The following FOXRED2 variants were observed in gnomAD, a reference collection of about 807,000 sequenced individuals.
FOXRED2 encodes FAD-dependent oxidoreductase domain-containing protein 2.
In FOXRED2, 32 loss-of-function variants were observed where a neutral mutation model predicts 52.5. The observed-to-expected ratio is 0.61, with a 90% CI of 0.46 to 0.82. FOXRED2 has a LOEUF of 0.82. Ranked by LOEUF, FOXRED2 falls within the 40% of genes least tolerant of loss-of-function variation. The pLI is 0.00. For synonymous variants in FOXRED2, 405 were observed against 398.1 expected, an observed-to-expected ratio of 1.02 and a Z score of -0.21; for missense variants, 848 against 937.5, an observed-to-expected ratio of 0.90 and a Z score of 1.25.
In FOXRED2 at chr22:36,505,340, G is replaced by A. The variant is rs117211499; in HGVS notation, c.527+556C>T. ...AGCTCCTAAAAGCAGCAGAGCCAGA[G>A]TCTAAACACAGATAGGCTTGATTCC... On this transcript the variant is annotated intron_variant, in intron 2 of 8. Coordinates refer to ENST00000397224, the MANE Select transcript of FOXRED2 (RefSeq NM_001102371.2). 6.5e-3 allele frequency among the ~76,000 whole-genome samples: 988 copies of A among 152,342 alleles called. 4 individuals carry two copies. Among genetic ancestry groups the A allele is most frequent in the Middle Eastern group, 0.027 (8 of 294 alleles).
chr22:36,500,136 G>C (rs1037887385), intron 5 of FOXRED2, among the ~76,000 whole-genome samples: 1 of 152,176 alleles, frequency 6.6e-6, no homozygotes, highest in Admixed American at 6.5e-5. Flanking sequence ...CACAGAAAGG[G>C]CACCAGTTTG....
chr22:36,489,978 C>T lies in FOXRED2; in HGVS notation c.*30G>A. On this transcript the variant is annotated 3_prime_UTR_variant, in exon 9 of 9. Coordinates refer to ENST00000397224, the MANE Select transcript of FOXRED2 (RefSeq NM_001102371.2). The stretch of plus-strand genomic sequence containing the variant: ...CATGGGCCTAGGTGGGGAGGCCTGG[C>T]CACTGTGCCCACAGCTTAGGAAGGG... 1.3e-6 allele frequency: 2 copies of T among 1,524,422 alleles called. No homozygotes were observed. Among genetic ancestry groups the T allele is most frequent in the South Asian group, 1.3e-5 (1 of 77,590 alleles). 94.4% of individuals were successfully genotyped at this position (1,524,422 alleles called of 1,614,324 possible). A position where few individuals can be genotyped will look rare whatever the true frequency, so the allele number is the denominator to read the frequency against.
chr22:36,494,322 T>C (rs1387290642), intron 7 of FOXRED2, among the ~76,000 whole-genome samples: 2 of 152,080 alleles, frequency 1.3e-5, no homozygotes, highest in African/African-American at 2.4e-5. Flanking sequence ...TTCTAGTCTC[T>C]ACCATGTTGG....
chr22:36,505,435 G>A (rs1568993251), intron 2 of FOXRED2, among the ~76,000 whole-genome samples: 1 of 152,168 alleles, frequency 6.6e-6, no homozygotes, highest in South Asian at 2.1e-4. Flanking sequence ...GGATCCTGCC[G>A]GCTTGCAGAA....
chr22:36,506,303 G>C lies in FOXRED2; in HGVS notation c.120C>G (p.Pro40=), dbSNP rs573899521. Residue 40 remains proline (P), a synonymous_variant, in exon 2 of 9, where the codon CCC becomes CCG. Transcript: ENST00000397224. ...GGAAGTAGGCCATCTGCAGGCCCGC[G>C]GGCCCAGCGCCCAGCACGCAGTAGT... ...RRDYCVLGAG[P]AGLQMAYFLQ... The C allele has an allele frequency of 1.5e-5, 23 of 1,567,168 alleles. No homozygotes were observed. The highest frequency in any genetic ancestry group is 2.3e-5 in the South Asian group (2 of 85,852).
chr22:36,501,355 G>C lies in FOXRED2; in HGVS notation c.1102C>G (p.Arg368Gly), dbSNP rs747052892. ...NAFGKKYPLI[R>G]ASYESKGSRG... is the part of the protein sequence containing the mutation. ...CTTCCTTTGGATTCGTAGCTAGCTC[G>C]AATCAGCGGGTACTTCTTGCCGAAT... Residue 368 changes from arginine to glycine, a missense_variant, in exon 5 of 9, where the codon CGA becomes GGA. Coordinates refer to ENST00000397224, the MANE Select transcript of FOXRED2 (RefSeq NM_001102371.2). 3 of 1,614,038 alleles carry C rather than the reference G, an allele frequency of 1.9e-6. No individual in the cohort carries two copies. The highest frequency in any genetic ancestry group is 2.7e-5 in the African/African-American group (2 of 74,926).
Position 36,501,324 on chromosome 22 carries a change from C to T in FOXRED2, c.1133G>A (p.Gly378Asp), listed in dbSNP as rs751006432. The change falls in exon 5 of 9, where the codon GGT becomes GAT. Residue 378 changes from glycine (G) to aspartate (D), a missense_variant. Coordinates refer to ENST00000397224, the MANE Select transcript of FOXRED2 (RefSeq NM_001102371.2). The part of the protein sequence containing the change: ...RASYESKGSR[G>D]LFILGTASHS... ...GCTGGCAGTACCCAGGATAAACAGA[C>T]CCCGGCTTCCTTTGGATTCGTAGCT... 1.2e-6 allele frequency: 2 copies of T among 1,614,156 alleles called. No individual in the cohort carries two copies.
chr22:36,497,506 C>T (rs113505602), intron 6 of FOXRED2, among the ~76,000 whole-genome samples: 471 of 152,284 alleles, frequency 3.1e-3, no homozygotes, highest in Non-Finnish European at 5.6e-3. Flanking sequence ...TCCCTGCCAC[C>T]TGTCTCCCCC....
rs35883124 is a variant in FOXRED2, at chr22:36,502,995, C to CTT, written c.1049+1101_1049+1102dup. On this transcript the variant is annotated intron_variant, in intron 4 of 8. Transcript: ENST00000397224. ...CATGAGCTACTGTGACCAGCCATCT[C>CTT]TTTTTTTTTTTGAGACAGGGTCTCA... Among the ~76,000 whole-genome samples the CTT allele has an allele frequency of 1.8e-3, 272 of 147,480 alleles. 2 individuals carry two copies. Among genetic ancestry groups the CTT allele is most frequent in the South Asian group, 0.016 (76 of 4,624 alleles).
intron 5 of FOXRED2, 106 bp downstream of exon 5, chr22:36,501,135 A>G (rs1344598448): frequency 5.9e-6 from 7 of 1,193,214 alleles, no homozygotes; most frequent in African/African-American, 1.5e-5. Flanking sequence ...TGAGCTACTG[A>G]CAAGCAATCC....
intron 5 of FOXRED2, among the ~76,000 whole-genome samples, chr22:36,500,333 G>A (rs1177869275): frequency 6.6e-6 from 1 of 152,122 alleles, no homozygotes; most frequent in Non-Finnish European, 1.5e-5. Context: ...CCAGGGTCGT[G>A]TGTTCAGTGC....
chr22:36,493,584 T>G, intron 8 of FOXRED2, 49 bp downstream of exon 8: 1 of 1,556,862 alleles, frequency 6.4e-7, no homozygotes, highest in Non-Finnish European at 8.8e-7. Context: ...CTGTGACCTT[T>G]CTTCAACCTG....
Position 36,506,017 on chromosome 22 carries a change from G to T in FOXRED2, c.406C>A (p.Leu136Met), listed in dbSNP as rs1934182477. ...VRYLGDFADT[L>M]GLRVQYNTTI... ...GTGTTGTACTGGACACGGAGCCCCA[G>T]CGTGTCCGCGAAGTCACCCAGGTAG... Residue 136 changes from leucine to methionine, a missense_variant, in exon 2 of 9, where the codon CTG becomes ATG. Transcript: ENST00000397224. The T allele has an allele frequency of 1.2e-6, 2 of 1,614,146 alleles. No homozygotes were observed. The highest frequency in any genetic ancestry group is 1.7e-5 in the Admixed American group (1 of 60,014).
At position 36,504,188 on chromosome 22, in the gene FOXRED2, T is replaced by C; in HGVS notation, c.959A>G (p.Gln320Arg). The C allele has an allele frequency of 6.2e-7, 1 of 1,614,204 alleles. No homozygotes were observed. The highest frequency in any genetic ancestry group is 8.5e-7 in the Non-Finnish European group (1 of 1,180,026). Residue 320 changes from glutamine (Q) to arginine (R), a missense_variant, in exon 4 of 9, where the codon CAG becomes CGG. Gln to Arg is a conservative substitution (Grantham distance 43, BLOSUM62 1). Transcript: ENST00000397224. ...CATGGCAAAGTTGTCATTGTCGTCC[T>C]GGGGGAGGGTGATGGAGTCGGCACT... is the stretch of plus-strand genomic sequence containing the variant. ...NQSADSITLP[Q>R]DDNDNFAMRV...
chr22:36,496,750 G>A (rs1933910590), intron 6 of FOXRED2, among the ~76,000 whole-genome samples: 1 of 152,250 alleles, frequency 6.6e-6, no homozygotes, highest in South Asian at 2.1e-4. Flanking sequence ...TGGGGCGGCT[G>A]TTGTATGGGT....
Position 36,498,076 on chromosome 22 carries a change from T to TCAG in FOXRED2, c.1294_1296dup (p.Leu432dup). The TCAG allele has an allele frequency of 6.2e-7, 1 of 1,613,970 alleles. No homozygotes were observed. Among genetic ancestry groups the TCAG allele is most frequent in the Non-Finnish European group, 8.5e-7 (1 of 1,180,014 alleles). On this transcript the variant is annotated inframe_insertion, in exon 6 of 9. Coordinates refer to ENST00000397224, the MANE Select transcript of FOXRED2 (RefSeq NM_001102371.2). Reference sequence around the variant, plus strand: ...TTCACGCGCCGCACGATGGAGCTGGTCAGCTGTGTGATGGGGAGCTCAGTG... The same window carrying TCAG: ...TTCACGCGCCGCACGATGGAGCTGGTCAGCAGCTGTGTGATGGGGAGCTCAGTG...
intron 6 of FOXRED2, among the ~76,000 whole-genome samples, chr22:36,496,972 G>A (rs1005189687): frequency 6.6e-6 from 1 of 152,212 alleles, no homozygotes; most frequent in Non-Finnish European, 1.5e-5. Context: ...CCTGAGGTCA[G>A]GAGTTTGAGA....
intron 8 of FOXRED2, among the ~76,000 whole-genome samples, chr22:36,490,727 T>G (rs5756213): frequency 6.6e-6 from 1 of 152,148 alleles, no homozygotes; most frequent in African/African-American, 2.4e-5. Context: ...GCAAATACCA[T>G]GTGCAAAGTT....
At chr22:36,490,365 G>T in intron 8 of FOXRED2, 98 bp from the exon 9 acceptor site, 1 of 1,352,244 alleles carries the variant, frequency 7.4e-7, no homozygotes, top group Non-Finnish European at 1.0e-6. Context: ...GGGCTTCACT[G>T]CAGGCCTTGC....
Sources: gnomAD v4.1 joint callset for allele counts (sites outside exome capture counted in the v4.1 genomes callset) on GRCh38, gnomAD v4.1.1 for gene constraint, MANE v1.5 for transcripts, NCBI Gene and HGNC (gene_info 2026-07-23, HGNC 2026-07-21) for gene names.